Variants in COQ4 observed in about 807,000 individuals in gnomAD.
The protein encoded by COQ4 is ubiquinone biosynthesis protein COQ4 homolog, mitochondrial.
Under a neutral mutation model 30.2 loss-of-function variants are expected in COQ4, and 36 were observed. That is an observed-to-expected ratio of 1.19 (90% CI 0.91 to 1.57). The LOEUF (loss-of-function observed/expected upper bound fraction) is 1.57, where lower values mean the gene tolerates loss of function less well. Ranked by LOEUF, COQ4 falls within the 40% of genes most tolerant of loss-of-function variation. The pLI is 0.00. For synonymous variants in COQ4, 197 were observed against 161.0 expected (o/e 1.22, Z -1.69); for missense variants, 369 against 371.9 (o/e 0.99, Z 0.07).
In COQ4 at chr9:128,333,676, C is replaced by T. The variant is rs1411590699; in HGVS notation, c.*31C>T. The T allele has an allele frequency of 2.7e-6, 4 of 1,488,836 alleles. No homozygotes were observed. The highest frequency in any genetic ancestry group is 3.6e-6 in the Non-Finnish European group (4 of 1,124,054). The allele number at this position is 1,488,836 out of a possible 1,614,324, so 92.2% of individuals were successfully genotyped here. A position where few individuals can be genotyped will look rare whatever the true frequency, so the allele number is the denominator to read the frequency against. On this transcript the variant is annotated 3_prime_UTR_variant, in exon 7 of 7. Coordinates refer to ENST00000300452, the MANE Select transcript of COQ4 (RefSeq NM_016035.5). ...TGAGCCAGCGGGGCCTGGCCTACCT[C>T]CCCCATCCCCTGCTTCCCTTGGAGG...
intron 4 of COQ4, among the ~76,000 whole-genome samples, chr9:128,329,266 C>G (rs1588541883): frequency 6.6e-6 from 1 of 152,212 alleles, no homozygotes; most frequent in East Asian, 1.9e-4. Context: ...GATATTAAGG[C>G]CACTGGCTTT....
At chr9:128,328,773 ACT>A (rs1832361616) in intron 4 of COQ4, among the ~76,000 whole-genome samples, 1 of 151,822 alleles carries the variant, frequency 6.6e-6, no homozygotes, top group Admixed American at 6.6e-5. Flanking sequence ...TCAGTGGGAA[ACT>A]CACCAGGGTG....
At position 128,322,858 on chromosome 9, in the gene COQ4, C is replaced by A. The variant is rs1318951310; in HGVS notation, c.-1C>A. 1 of 1,561,178 alleles carries A rather than the reference C, an allele frequency of 6.4e-7. No individual in the cohort carries two copies. The highest frequency in any genetic ancestry group is 8.6e-7 in the Non-Finnish European group (1 of 1,157,132). On this transcript the variant is annotated 5_prime_UTR_variant, in exon 1 of 7. Transcript: ENST00000300452. ...CCCATCCTCCGCGGACGCCCGCTGC[C>A]ATGGCGACTCTGCTGCGCCCTGTCC... is the stretch of plus-strand genomic sequence containing the variant.
At chr9:128,328,657 G>A (rs961791642) in intron 4 of COQ4, among the ~76,000 whole-genome samples, 2 of 152,300 alleles carry the variant, frequency 1.3e-5, no homozygotes, top group Admixed American at 6.5e-5. Context: ...TCCCCGAGAC[G>A]ATGTTCTGTT....
At chr9:128,326,205 C>T (rs998144277) in intron 4 of COQ4, 18 of 521,684 alleles carry the variant, frequency 3.5e-5, no homozygotes, top group Non-Finnish European at 5.4e-5. Flanking sequence ...AACAGAGGCT[C>T]AGAGCAGTGA....
At position 128,322,852 on chromosome 9, in the gene COQ4, C is replaced by A. The variant is rs1832225828; in HGVS notation, c.-7C>A. ...TACCCGCCCATCCTCCGCGGACGCC[C>A]GCTGCCATGGCGACTCTGCTGCGCC... On this transcript the variant is annotated 5_prime_UTR_variant, in exon 1 of 7. Coordinates refer to ENST00000300452, the MANE Select transcript of COQ4 (RefSeq NM_016035.5). 2 of 1,549,468 alleles carry A rather than the reference C, an allele frequency of 1.3e-6. No individual in the cohort carries two copies. The highest frequency in any genetic ancestry group is 1.4e-5 in the African/African-American group (1 of 73,112).
intron 3 of COQ4, 73 bp from the exon 4 acceptor site, chr9:128,325,706 C>A: frequency 8.4e-7 from 1 of 1,194,696 alleles, no homozygotes; most frequent in Non-Finnish European, 1.2e-6. Flanking sequence ...TCTCCCGCCC[C>A]TCAGCTCGCT....
At chr9:128,332,435 C>T (rs1300528207) in intron 5 of COQ4, 153 bp downstream of exon 5, 2 of 796,964 alleles carry the variant, frequency 2.5e-6, no homozygotes, top group Non-Finnish European at 4.0e-6. Context: ...GCCACATGTC[C>T]CCCTTCTTTC....
At chr9:128,328,339 G>A (rs1832354680) in intron 4 of COQ4, among the ~76,000 whole-genome samples, 1 of 152,224 alleles carries the variant, frequency 6.6e-6, no homozygotes, top group Admixed American at 6.5e-5. Flanking sequence ...CCTCCCTCCT[G>A]CAACACAGAT....
At chr9:128,333,036 C>A in intron 6 of COQ4, 93 bp downstream of exon 6, 1 of 899,616 alleles carries the variant, frequency 1.1e-6, no homozygotes, top group Non-Finnish European at 1.9e-6. Flanking sequence ...GAAGAGCACA[C>A]GGGCCCCTGC....
intron 5 of COQ4, chr9:128,332,514 T>A (rs1303198460): frequency 1.7e-6 from 1 of 595,816 alleles, no homozygotes; most frequent in Admixed American, 3.0e-5. Flanking sequence ...CCTGGTGTCT[T>A]TTTAGGCTTT....
At chr9:128,324,718 C>G (rs932470824) in intron 2 of COQ4, among the ~76,000 whole-genome samples, 1 of 152,118 alleles carries the variant, frequency 6.6e-6, no homozygotes, top group Non-Finnish European at 1.5e-5. Flanking sequence ...CACTTCACTC[C>G]AGCCTGGGCA....
chr9:128,333,592 C>T lies in COQ4; in HGVS notation c.745C>T (p.Arg249Trp), dbSNP rs1832451455. ...RRWEQSLRAL[R>W]EELGITAPPM... ...CTGGGAGCAGTCCCTGAGGGCTCTG[C>T]GGGAGGAGCTGGGCATTACAGCACC... Residue 249 changes from arginine to tryptophan, a missense_variant, in exon 7 of 7, where the codon CGG becomes TGG. Transcript: ENST00000300452. 6 of 1,605,630 alleles carry T rather than the reference C, an allele frequency of 3.7e-6. No individual in the cohort carries two copies. The highest frequency in any genetic ancestry group is 1.3e-5 in the African/African-American group (1 of 74,570).
chr9:128,322,979 C>T lies in COQ4; in HGVS notation c.71-37C>T, dbSNP rs367561954. ...AGGCGGGAAGGAGCCTGAGGGCGCCCGGCTCCTCTGACCTCGGCCTTTTTC... is the reference window on the plus strand; with the variant it reads ...AGGCGGGAAGGAGCCTGAGGGCGCCTGGCTCCTCTGACCTCGGCCTTTTTC... On this transcript the variant is annotated intron_variant, in intron 1 of 6. Coordinates refer to ENST00000300452, the MANE Select transcript of COQ4 (RefSeq NM_016035.5). 49 of 1,607,366 alleles carry T rather than the reference C, an allele frequency of 3.0e-5. No homozygotes were observed. The African/African-American group carries it at 5.1e-4, about 17-fold the overall frequency.
intron 4 of COQ4, among the ~76,000 whole-genome samples, chr9:128,329,484 C>T (rs145795747): frequency 1.3e-5 from 2 of 152,292 alleles, no homozygotes. Flanking sequence ...ATTCTCCTGC[C>T]TCAGCCTCCT....
At chr9:128,323,763 G>C (rs762248989) in intron 2 of COQ4, among the ~76,000 whole-genome samples, 1 of 152,178 alleles carries the variant, frequency 6.6e-6, no homozygotes, top group Middle Eastern at 3.2e-3. Flanking sequence ...AACCAGCCTG[G>C]GCAACACGGT....
At position 128,323,070 on chromosome 9, in the gene COQ4, T is replaced by G. The variant is rs1832239175; in HGVS notation, c.125T>G (p.Leu42Arg). The change falls in exon 2 of 7, where the codon CTC becomes CGC. Residue 42 changes from leucine to arginine, a missense_variant. Physicochemically the swap from Leu to Arg is moderately radical, Grantham distance 102. Coordinates refer to ENST00000300452, the MANE Select transcript of COQ4 (RefSeq NM_016035.5). ...GCCGGCCCGCTATACTCGCACCACC[T>G]CCCCACCTCCCCGCTGCAGAAAGGG... ...DGAGPLYSHH[L>R]PTSPLQKGLL... The G allele has an allele frequency of 1.2e-6, 2 of 1,611,844 alleles. No homozygotes were observed. Among genetic ancestry groups the G allele is most frequent in the African/African-American group, 1.3e-5 (1 of 74,990 alleles).
Position 128,332,161 on chromosome 9 carries a change from C to A in COQ4, c.411C>A (p.Ser137=). The A allele has an allele frequency of 6.4e-7, 1 of 1,568,720 alleles. No homozygotes were observed. The highest frequency in any genetic ancestry group is 2.4e-5 in the East Asian group (1 of 42,192). The change falls in exon 5 of 7, where the codon TCC becomes TCA. Residue 137 remains serine (S), a synonymous_variant. Coordinates refer to ENST00000300452, the MANE Select transcript of COQ4 (RefSeq NM_016035.5). The part of the protein sequence containing the change: ...YLRFLDVNRV[S]PDTRAPTRFV... ...AGGCTCATGGTTGTCAGAGGGTCTC[C>A]CCAGACACCCGAGCACCCACCCGCT...
chr9:128,327,144 T>C (rs1832336162), intron 4 of COQ4, among the ~76,000 whole-genome samples: 1 of 152,090 alleles, frequency 6.6e-6, no homozygotes, highest in African/African-American at 2.4e-5. Flanking sequence ...GACAATAAAA[T>C]AGTTTTTAAA....
Sources: allele counts gnomAD v4.1 joint callset (sites outside exome capture counted in the v4.1 genomes callset), GRCh38; gene constraint gnomAD v4.1.1; transcripts MANE v1.5; gene names NCBI Gene and HGNC (gene_info 2026-07-23, HGNC 2026-07-21).